Variants in CRIM1 observed in about 807,000 individuals in gnomAD.
CRIM1 encodes cysteine-rich motor neuron 1 protein.
In CRIM1, 32 loss-of-function variants were observed where a neutral mutation model predicts 116.4. That is an observed-to-expected ratio of 0.27 (90% CI 0.21 to 0.37). CRIM1 has a LOEUF of 0.37. CRIM1 is among the 10% of genes least tolerant of loss of function. The pLI is 1.00. For synonymous variants in CRIM1, 590 were observed against 509.2 expected (o/e 1.16, Z -2.13); for missense variants, 1,331 against 1,354.8 (o/e 0.98, Z 0.28).
chr2:36,377,141 C>T (rs568652050), intron 1 of CRIM1, among the ~76,000 whole-genome samples: 2 of 152,328 alleles, frequency 1.3e-5, no homozygotes, highest in East Asian at 3.9e-4. Context: ...CTGTTCAGAG[C>T]TCAGGGGCGC....
At chr2:36,450,691 A>C (rs1676641451) in intron 4 of CRIM1, among the ~76,000 whole-genome samples, 1 of 152,232 alleles carries the variant, frequency 6.6e-6, no homozygotes, top group African/African-American at 2.4e-5. Context: ...GAAGGATGGT[A>C]GTCCCATTGT....
intron 1 of CRIM1, among the ~76,000 whole-genome samples, chr2:36,376,234 G>A (rs1670308551): frequency 6.6e-6 from 1 of 152,114 alleles, no homozygotes; most frequent in Non-Finnish European, 1.5e-5. Context: ...AGCTTCAAGT[G>A]GTTTTTGTTT....
At chr2:36,505,081 G>A (rs1572886834) in intron 8 of CRIM1, among the ~76,000 whole-genome samples, 1 of 152,182 alleles carries the variant, frequency 6.6e-6, no homozygotes, top group Admixed American at 6.5e-5. Flanking sequence ...TAGGGAGGCA[G>A]GCTCCTTGTT....
intron 5 of CRIM1, among the ~76,000 whole-genome samples, chr2:36,475,575 T>G (rs1678912494): frequency 2.0e-5 from 3 of 152,248 alleles, no homozygotes; most frequent in Admixed American, 1.3e-4. Flanking sequence ...TTAATTTATT[T>G]ATTTTTCCTA....
chr2:36,442,927 G>C (rs1422999327), intron 4 of CRIM1, among the ~76,000 whole-genome samples, 192 bp downstream of exon 4: 1 of 152,126 alleles, frequency 6.6e-6, no homozygotes, highest in Non-Finnish European at 1.5e-5. Flanking sequence ...GGTGTCATCA[G>C]GTTAAGTCGT....
chr2:36,513,840 ACT>A (rs1664859883), intron 11 of CRIM1, 75 bp downstream of exon 11: 2 of 1,373,738 alleles, frequency 1.5e-6, no homozygotes, highest in South Asian at 1.2e-5. Flanking sequence ...CACATTTGTA[ACT>A]CTGGGGAGGT....
chr2:36,473,146 T>TA (rs896862116), intron 5 of CRIM1, among the ~76,000 whole-genome samples: 78 of 152,322 alleles, frequency 5.1e-4, no homozygotes, highest in African/African-American at 1.6e-3. Context: ...AAAATAAATA[T>TA]AAAGTAATTG....
chr2:36,529,089 G>A (rs1665946966), intron 13 of CRIM1: 1 of 470,868 alleles, frequency 2.1e-6, no homozygotes, highest in African/African-American at 2.0e-5. Context: ...ACGGAAGTTA[G>A]GCTGCTGCAC....
intron 2 of CRIM1, among the ~76,000 whole-genome samples, chr2:36,438,109 C>T (rs886311011): frequency 7.4e-6 from 1 of 134,686 alleles, no homozygotes; most frequent in African/African-American, 2.9e-5. Flanking sequence ...TCCAGCCTGG[C>T]AACAGAGCAA....
intron 13 of CRIM1, among the ~76,000 whole-genome samples, chr2:36,535,829 A>G (rs1666507016): frequency 6.6e-6 from 1 of 152,380 alleles, no homozygotes; most frequent in East Asian, 1.9e-4. Flanking sequence ...ATTTCAAAAT[A>G]TAGTATAACA....
chr2:36,420,431 C>T (rs1673963587), intron 2 of CRIM1, among the ~76,000 whole-genome samples: 1 of 152,140 alleles, frequency 6.6e-6, no homozygotes, highest in African/African-American at 2.4e-5. Flanking sequence ...TTCTGGATCT[C>T]CTATTCATAA....
At chr2:36,360,753 C>A (rs1669172767) in intron 1 of CRIM1, among the ~76,000 whole-genome samples, 1 of 152,136 alleles carries the variant, frequency 6.6e-6, no homozygotes, top group Non-Finnish European at 1.5e-5. Context: ...ATGGAAACTA[C>A]TCTCACCACT....
At chr2:36,424,291 A>G (rs1206285370) in intron 2 of CRIM1, among the ~76,000 whole-genome samples, 1 of 152,200 alleles carries the variant, frequency 6.6e-6, no homozygotes, top group Non-Finnish European at 1.5e-5. Flanking sequence ...ATATTCACAG[A>G]GGAGAAGGCT....
At chr2:36,448,644 T>TTATTAAGATGAATGAACTTACCA (rs3836080) in intron 4 of CRIM1, among the ~76,000 whole-genome samples, 73,905 of 151,874 alleles carry the variant, frequency 0.49, 18,919 homozygotes, top group East Asian at 0.7. Context: ...TTGTACCTTT[T>TTATTAAGATGAATGAACTTACCA]TATTATTGAC....
intron 13 of CRIM1, among the ~76,000 whole-genome samples, chr2:36,525,926 GT>G (rs1665726673): frequency 6.6e-6 from 1 of 152,152 alleles, no homozygotes; most frequent in Admixed American, 6.5e-5. Flanking sequence ...TGTGTTCCTT[GT>G]GTCAAATTGT....
At position 36,551,132 on chromosome 2, in the gene CRIM1, A is replaced by G. The variant is rs1257437342; in HGVS notation, c.*2431A>G. 6.6e-6 allele frequency: 1 copy of G among 152,628 alleles called. No homozygotes were observed. Among genetic ancestry groups the G allele is most frequent in the African/African-American group, 2.4e-5 (1 of 41,452 alleles). 9.5% of individuals were successfully genotyped at this position (152,628 alleles called of 1,614,324 possible). A position where few individuals can be genotyped will look rare whatever the true frequency, so the allele number is the denominator to read the frequency against. On this transcript the variant is annotated 3_prime_UTR_variant, in exon 17 of 17. Transcript: ENST00000280527. Reference sequence around the variant, plus strand: ...CAGGAAATAAACATTTTGAGTTGAAATCACACAGTGTAACTTGCAAAAAGA... The same window carrying G: ...CAGGAAATAAACATTTTGAGTTGAAGTCACACAGTGTAACTTGCAAAAAGA...
intron 1 of CRIM1, among the ~76,000 whole-genome samples, chr2:36,362,449 T>A (rs1327438783): frequency 6.6e-6 from 1 of 152,206 alleles, no homozygotes; most frequent in Non-Finnish European, 1.5e-5. Flanking sequence ...AGAATGAAGC[T>A]GCATTCTTAA....
At chr2:36,546,770 T>TGA (rs1667369313) in intron 15 of CRIM1, among the ~76,000 whole-genome samples, 1 of 147,018 alleles carries the variant, frequency 6.8e-6, no homozygotes, top group South Asian at 2.1e-4. Flanking sequence ...CTGATTTTTT[T>TGA]TTTTTTTTTT....
chr2:36,377,467 A>G (rs1558514214), intron 1 of CRIM1, among the ~76,000 whole-genome samples: 3 of 152,252 alleles, frequency 2.0e-5, no homozygotes, highest in South Asian at 2.1e-4. Context: ...AAGCCAGTGC[A>G]TAGTCCAGCC....
Sources: gnomAD v4.1 joint callset for allele counts (sites outside exome capture counted in the v4.1 genomes callset) on GRCh38, gnomAD v4.1.1 for gene constraint, MANE v1.5 for transcripts, NCBI Gene and HGNC (gene_info 2026-07-23, HGNC 2026-07-21) for gene names.